The following PPM1H variants were observed in gnomAD, a reference collection of about 807,000 sequenced individuals.
PPM1H encodes protein phosphatase 1H.
A neutral mutation model predicts 54.9 loss-of-function variants in PPM1H; 27 were observed. The observed-to-expected ratio is 0.49, with a 90% CI of 0.36 to 0.68. The LOEUF (loss-of-function observed/expected upper bound fraction) is 0.68. Among genes scored for constraint, PPM1H ranks in the 30% least tolerant of loss-of-function variants. PPM1H has a pLI of 0.00. For missense variants in PPM1H, 596 were observed against 667.8 expected (o/e 0.89, Z 1.19); for synonymous variants, 305 against 270.8 (o/e 1.13, Z -1.24).
chr12:62,756,115 C>T, intron 4 of PPM1H: 1 of 889,622 alleles, frequency 1.1e-6, no homozygotes, highest in Non-Finnish European at 1.9e-6. Flanking sequence ...ACCTTTGATG[C>T]TGGGGATGGC....
At chr12:62,720,352 A>AT (rs2076257085) in intron 5 of PPM1H, 63 bp from the exon 6 acceptor site, 1 of 1,319,516 alleles carries the variant, frequency 7.6e-7, no homozygotes, top group East Asian at 2.3e-5. Flanking sequence ...CAAAATAAGA[A>AT]TCAAGGATGT....
intron 1 of PPM1H, among the ~76,000 whole-genome samples, chr12:62,924,212 G>GT (rs1315666123): frequency 2.6e-5 from 4 of 151,816 alleles, no homozygotes; most frequent in South Asian, 2.1e-4. Flanking sequence ...GAGGCCCAGA[G>GT]TGGGGGGGGC....
chr12:62,652,274 A>G (rs977325440), intron 9 of PPM1H, among the ~76,000 whole-genome samples: 9 of 152,182 alleles, frequency 5.9e-5, no homozygotes, highest in African/African-American at 1.9e-4. Flanking sequence ...GTGCAGTGGC[A>G]TAATCATAGC....
At chr12:62,658,626 A>G (rs1250710737) in intron 9 of PPM1H, among the ~76,000 whole-genome samples, 1 of 152,144 alleles carries the variant, frequency 6.6e-6, no homozygotes, top group Non-Finnish European at 1.5e-5. Context: ...AATTATAAGG[A>G]ACCAGAGGAC....
At chr12:62,805,774 A>G (rs980389048) in intron 2 of PPM1H, among the ~76,000 whole-genome samples, 2 of 152,236 alleles carry the variant, frequency 1.3e-5, no homozygotes, top group Non-Finnish European at 2.9e-5. Context: ...GATCGAATGT[A>G]CAGTATGGTG....
intron 6 of PPM1H, among the ~76,000 whole-genome samples, chr12:62,703,997 T>TGTGTGTGTGA (rs2076159360): frequency 6.6e-6 from 1 of 151,624 alleles, no homozygotes; most frequent in African/African-American, 2.4e-5. Flanking sequence ...TGTGTGTGTG[T>TGTGTGTGTGA]GTGTGTGTGT....
intron 2 of PPM1H, among the ~76,000 whole-genome samples, chr12:62,813,174 A>T (rs2076845583): frequency 6.6e-6 from 1 of 152,160 alleles, no homozygotes; most frequent in South Asian, 2.1e-4. Flanking sequence ...CAGATGTAGG[A>T]GAGGAAATAC....
In PPM1H at chr12:62,844,741, G is replaced by T. The variant is rs1028904694; in HGVS notation, c.246-12462C>A. On this transcript the variant is annotated intron_variant, in intron 1 of 9. Transcript: ENST00000228705. This position sits in a 1 kb window ranked among gnomAD's most constrained non-coding sequence, Gnocchi z 5.2. Reference sequence around the variant, plus strand: ...AGCACGGAGTAGGTACTCGATAAATGTTAATTGAATGAATAAACAAATGAA... The same window carrying T: ...AGCACGGAGTAGGTACTCGATAAATTTTAATTGAATGAATAAACAAATGAA... Among the ~76,000 whole-genome samples, 1 of 152,166 alleles carries T rather than the reference G, an allele frequency of 6.6e-6. No individual in the cohort carries two copies. The highest frequency in any genetic ancestry group is 6.5e-5 in the Admixed American group (1 of 15,284).
intron 1 of PPM1H, among the ~76,000 whole-genome samples, chr12:62,839,078 T>C (rs1868622284): frequency 6.6e-6 from 1 of 151,990 alleles, no homozygotes; most frequent in Non-Finnish European, 1.5e-5. Context: ...TTTGCTGTGG[T>C]GTTTGGCTTT....
chr12:62,738,375 C>A (rs1004281699), intron 4 of PPM1H, among the ~76,000 whole-genome samples: 6 of 151,782 alleles, frequency 4.0e-5, no homozygotes, highest in East Asian at 1.9e-4. Flanking sequence ...AAAAAAAAAA[C>A]CAAAACCACT....
intron 6 of PPM1H, among the ~76,000 whole-genome samples, chr12:62,716,227 C>G (rs1410906458): frequency 2.6e-5 from 4 of 152,170 alleles, no homozygotes; most frequent in Non-Finnish European, 5.9e-5. Flanking sequence ...TTAGTAAGCA[C>G]CACACACTCT....
intron 1 of PPM1H, among the ~76,000 whole-genome samples, chr12:62,881,108 G>C (rs1592651942): frequency 2.0e-5 from 3 of 152,304 alleles, no homozygotes; most frequent in East Asian, 3.9e-4. Context: ...GGAGTCATCT[G>C]TGATGGCTTT....
chr12:62,915,211 A>G (rs571545006), intron 1 of PPM1H, among the ~76,000 whole-genome samples: 4 of 152,250 alleles, frequency 2.6e-5, no homozygotes, highest in Non-Finnish European at 2.9e-5. Context: ...TACTTGGATG[A>G]TTTTTAACTG....
intron 4 of PPM1H, among the ~76,000 whole-genome samples, chr12:62,765,385 G>A (rs980209175): frequency 9.2e-5 from 14 of 152,130 alleles, no homozygotes; most frequent in Non-Finnish European, 1.8e-4. Flanking sequence ...CATATGCCAG[G>A]TCCCTGTGCA....
intron 4 of PPM1H, among the ~76,000 whole-genome samples, chr12:62,771,082 AC>A (rs1565783780): frequency 1.3e-5 from 2 of 148,388 alleles, no homozygotes; most frequent in East Asian, 3.9e-4. Flanking sequence ...ACACACACAC[AC>A]ACACAACTGT....
chr12:62,832,281 TGGA>T lies in PPM1H; in HGVS notation c.246-5_246-3del, dbSNP rs766752425. The stretch of plus-strand genomic sequence containing the variant: ...GTGCTCTTCCCGGCATTGATAACCC[TGGA>T]GAAGAAGCCGGAAAAGCTGGTCAGA... On this transcript the variant is annotated splice_region_variant and splice_polypyrimidine_tract_variant and intron_variant, in intron 1 of 9. Coordinates refer to ENST00000228705, the MANE Select transcript of PPM1H (RefSeq NM_020700.2). The T allele has an allele frequency of 4.9e-5, 78 of 1,607,810 alleles. No individual in the cohort carries two copies. Among genetic ancestry groups the T allele is most frequent in the Non-Finnish European group, 6.1e-5 (72 of 1,177,062 alleles).
chr12:62,667,288 A>T lies in PPM1H; in HGVS notation c.1287T>A (p.Asp429Glu). The change falls in exon 9 of 10, where the codon GAT (aspartate) becomes GAA (glutamate). Residue 429 changes from aspartate to glutamate, a missense_variant. Around this residue, in one of 3 missense-constraint regions of PPM1H, gnomAD observed 208 missense variants for 259.5 expected, o/e 0.80. Transcript: ENST00000228705. The stretch of plus-strand genomic sequence containing the variant: ...CATCAGTGGCCAAGATCAGCACATC[A>T]TCTGATCCATGATCATATTTTGAAA... ...YDLSKYDHGS[D>E]DVLILATDGL... 3 of 1,606,882 alleles carry T rather than the reference A, an allele frequency of 1.9e-6. No homozygotes were observed. The highest frequency in any genetic ancestry group is 2.6e-6 in the Non-Finnish European group (3 of 1,174,732).
chr12:62,691,255 A>T (rs1054797742), intron 7 of PPM1H, among the ~76,000 whole-genome samples: 1 of 152,198 alleles, frequency 6.6e-6, no homozygotes, highest in African/African-American at 2.4e-5. Flanking sequence ...AATCATAAAA[A>T]ATATATCCGG....
At chr12:62,650,392 T>G (rs1376312527) in intron 9 of PPM1H, among the ~76,000 whole-genome samples, 1 of 152,218 alleles carries the variant, frequency 6.6e-6, no homozygotes. Flanking sequence ...CTTTAAGTTA[T>G]TCTTGAGGGA....
Sources: allele counts gnomAD v4.1 joint callset (sites outside exome capture counted in the v4.1 genomes callset), GRCh38; gene constraint gnomAD v4.1.1; regional missense constraint gnomAD v4.1.1; non-coding constraint Gnocchi (gnomAD v3.1); transcripts MANE v1.5; gene names NCBI Gene and HGNC (gene_info 2026-07-23, HGNC 2026-07-21).